The following PCMTD1 variants were observed in gnomAD, a reference collection of about 807,000 sequenced individuals.
PCMTD1 encodes protein-L-isoaspartate (D-aspartate) O-methyltransferase domain containing 1.
Under a neutral mutation model 37.6 loss-of-function variants are expected in PCMTD1, and 12 were observed. The observed-to-expected ratio is 0.32, with a 90% CI of 0.20 to 0.52. PCMTD1 has a LOEUF of 0.52. Ranked by LOEUF, PCMTD1 falls within the 20% of genes least tolerant of loss-of-function variation. PCMTD1 has a pLI of 0.97. For synonymous variants in PCMTD1, 117 were observed against 135.8 expected, an observed-to-expected ratio of 0.86 and a Z score of 0.96; for missense variants, 235 against 421.3, an observed-to-expected ratio of 0.56 and a Z score of 3.87.
intron 3 of PCMTD1, among the ~76,000 whole-genome samples, chr8:51,835,917 T>C (rs1359335544): frequency 6.6e-6 from 1 of 152,168 alleles, no homozygotes; most frequent in Non-Finnish European, 1.5e-5. Context: ...AGTGTGTGAT[T>C]CTAAAATTAA....
chr8:51,842,800 C>T (rs2038166056), intron 3 of PCMTD1, among the ~76,000 whole-genome samples: 1 of 151,852 alleles, frequency 6.6e-6, no homozygotes, highest in Admixed American at 6.6e-5. Flanking sequence ...GAAAAGGGGA[C>T]TGATTAAAAA....
intron 5 of PCMTD1, among the ~76,000 whole-genome samples, chr8:51,826,673 C>T (rs978324395): frequency 1.3e-5 from 2 of 152,012 alleles, no homozygotes; most frequent in Non-Finnish European, 1.5e-5. Context: ...AGATTGAAAA[C>T]GGCATTTTAT....
intron 4 of PCMTD1, among the ~76,000 whole-genome samples, chr8:51,832,016 A>G (rs911751463): frequency 3.9e-5 from 6 of 152,192 alleles, no homozygotes; most frequent in African/African-American, 1.2e-4. Flanking sequence ...CCCCAACTTG[A>G]TATTTCACAA....
At chr8:51,851,657 TC>T (rs2038309482) in intron 2 of PCMTD1, among the ~76,000 whole-genome samples, 1 of 112,988 alleles carries the variant, frequency 8.9e-6, no homozygotes, top group Non-Finnish European at 2.3e-5. Context: ...TGACTCAAAT[TC>T]TTTTTTTTTT....
At position 51,820,206 on chromosome 8, in the gene PCMTD1, TTG is replaced by T. The variant is rs896448163; in HGVS notation, c.*143_*144del. ...TTCTTTTATTCACTGAATACATCAT[TTG>T]TGTTACTGACAGAAACAAGTGATTT... On this transcript the variant is annotated 3_prime_UTR_variant, in exon 6 of 6. Transcript: ENST00000522514. The T allele has an allele frequency of 2.3e-5, 14 of 613,420 alleles. No homozygotes were observed. In the African/African-American group the frequency reaches 2.6e-4, roughly 11 times the overall value. 38.0% of individuals were successfully genotyped at this position (613,420 alleles called of 1,614,324 possible).
At chr8:51,850,557 T>G (rs982479242) in intron 2 of PCMTD1, among the ~76,000 whole-genome samples, 5 of 152,186 alleles carry the variant, frequency 3.3e-5, no homozygotes, top group Non-Finnish European at 5.9e-5. Flanking sequence ...CTAATTATGA[T>G]AAAGCCCCAT....
chr8:51,880,208 G>GA (rs71237258), intron 1 of PCMTD1, among the ~76,000 whole-genome samples: 92 of 148,260 alleles, frequency 6.2e-4, no homozygotes, highest in African/African-American at 2.1e-3. Context: ...TCCTTTTAAT[G>GA]AAAAAAAAAA....
At chr8:51,879,991 T>G (rs2038769418) in intron 1 of PCMTD1, among the ~76,000 whole-genome samples, 1 of 149,908 alleles carries the variant, frequency 6.7e-6, no homozygotes, top group African/African-American at 2.5e-5. Context: ...GAGATCAACC[T>G]AGGCAACATA....
At chr8:51,839,767 A>T in intron 3 of PCMTD1, 1 of 330,334 alleles carries the variant, frequency 3.0e-6, no homozygotes, top group Non-Finnish European at 4.3e-6. Context: ...CCAGTGGAAT[A>T]GAGAAATTTC....
intron 1 of PCMTD1, among the ~76,000 whole-genome samples, chr8:51,897,802 T>C (rs149488520): frequency 7.2e-5 from 11 of 152,224 alleles, no homozygotes; most frequent in African/African-American, 2.4e-4. Context: ...CTCTAATACA[T>C]AGTAATAATG....
chr8:51,843,176 CA>C (rs35181880), intron 3 of PCMTD1, among the ~76,000 whole-genome samples: 102,821 of 150,286 alleles, frequency 0.68, 41,527 homozygotes, highest in Non-Finnish European at 0.9. Context: ...ACAAAAGGAA[CA>C]AAAAAAAAAA....
chr8:51,835,493 G>A (rs747019568), intron 3 of PCMTD1, among the ~76,000 whole-genome samples: 1 of 152,066 alleles, frequency 6.6e-6, no homozygotes, highest in Non-Finnish European at 1.5e-5. Context: ...ATTAGATACT[G>A]TAGATCACAT....
intron 1 of PCMTD1, among the ~76,000 whole-genome samples, chr8:51,892,704 A>T (rs1585863631): frequency 6.6e-6 from 1 of 152,312 alleles, no homozygotes; most frequent in East Asian, 1.9e-4. Flanking sequence ...CTGAGGCTGA[A>T]ATTGTTTTTT....
intron 5 of PCMTD1, among the ~76,000 whole-genome samples, chr8:51,826,387 G>A (rs950348565): frequency 6.6e-6 from 1 of 152,150 alleles, no homozygotes; most frequent in African/African-American, 2.4e-5. Flanking sequence ...GCTAGGGGAC[G>A]AGAGGGATAG....
chr8:51,850,228 T>C (rs1276998714), intron 2 of PCMTD1: 6 of 596,000 alleles, frequency 1.0e-5, no homozygotes, highest in African/African-American at 3.7e-5. Context: ...GGAAAAAGCA[T>C]TAAATTATGT....
At chr8:51,842,024 C>A (rs2038153239) in intron 3 of PCMTD1, among the ~76,000 whole-genome samples, 1 of 108,298 alleles carries the variant, frequency 9.2e-6, no homozygotes, top group Non-Finnish European at 2.5e-5. Flanking sequence ...AAAAGATTTA[C>A]TAACTGGGAT....
At chr8:51,873,531 G>A (rs748381998) in intron 1 of PCMTD1, among the ~76,000 whole-genome samples, 6 of 152,058 alleles carry the variant, frequency 3.9e-5, no homozygotes, top group Non-Finnish European at 7.4e-5. Flanking sequence ...GTGCTTGGAG[G>A]GTTACTGATA....
At chr8:51,870,341 T>G (rs2038620712) in intron 1 of PCMTD1, 1 of 152,190 alleles carries the variant, frequency 6.6e-6, no homozygotes, top group Non-Finnish European at 1.5e-5. Flanking sequence ...CAAGCCTGCT[T>G]TAAGTGCAGA....
chr8:51,821,094 G>A (rs1295391314), intron 5 of PCMTD1, among the ~76,000 whole-genome samples: 2 of 115,500 alleles, frequency 1.7e-5, no homozygotes, highest in Admixed American at 8.4e-5. Context: ...CATATGAAAA[G>A]TACTACTTAT....
Sources: allele counts gnomAD v4.1 joint callset (sites outside exome capture counted in the v4.1 genomes callset), GRCh38; gene constraint gnomAD v4.1.1; transcripts MANE v1.5; gene names NCBI Gene and HGNC (gene_info 2026-07-23, HGNC 2026-07-21).